ITGA8: variants seen among roughly 807,000 people sequenced by gnomAD.
ITGA8 encodes the protein integrin alpha-8.
ITGA8 carries 91 observed loss-of-function variants against 142.3 expected under a neutral mutation model. That is an observed-to-expected ratio of 0.64 (90% confidence interval 0.54 to 0.76). The LOEUF (loss-of-function observed/expected upper bound fraction) is 0.76. Among genes scored for constraint, ITGA8 ranks in the 30% least tolerant of loss-of-function variants. The pLI is 0.00. For synonymous variants in ITGA8, 505 were observed against 485.2 expected, an observed-to-expected ratio of 1.04 and a Z score of -0.54; for missense variants, 1,406 against 1,327.7, an observed-to-expected ratio of 1.06 and a Z score of -0.92.
intron 13 of ITGA8, among the ~76,000 whole-genome samples, chr10:15,631,539 A>G: frequency 6.6e-6 from 1 of 151,870 alleles, no homozygotes; most frequent in Admixed American, 6.6e-5. Context: ...ACACAGAGAC[A>G]GGAACATCAC....
intron 20 of ITGA8, among the ~76,000 whole-genome samples, chr10:15,598,347 GT>G (rs879592742): frequency 4.4e-4 from 67 of 151,816 alleles, no homozygotes; most frequent in Non-Finnish European, 7.9e-4. Flanking sequence ...TTTTTTATTT[GT>G]TTTTTTGTCC....
In ITGA8 at chr10:15,605,732, C is replaced by T. The variant is rs774254274; in HGVS notation, c.1962G>A (p.Ser654=). Residue 654 remains serine, a synonymous_variant, in exon 19 of 30, where the codon TCG becomes TCA. Coordinates refer to ENST00000378076, the MANE Select transcript of ITGA8 (RefSeq NM_003638.3). ...TAGTTATTTAAACTTACGGTCTAGC[C>T]GACAGCTTCAAGTCAGGAACACACA... The part of the protein sequence containing the change: ...DNLCVPDLKL[S]ARPDKHQVII... 1.4e-5 allele frequency: 22 copies of T among 1,612,700 alleles called. No homozygotes were observed. The highest frequency in any genetic ancestry group is 2.2e-5 in the East Asian group (1 of 44,866).
chr10:15,565,781 G>C (rs980846592), intron 25 of ITGA8, among the ~76,000 whole-genome samples: 3 of 151,380 alleles, frequency 2.0e-5, no homozygotes, highest in African/African-American at 7.3e-5. Context: ...GCAGAGATGG[G>C]GTTTTGCCAT....
intron 13 of ITGA8, among the ~76,000 whole-genome samples, chr10:15,630,520 C>G (rs1833665334): frequency 6.6e-6 from 1 of 151,918 alleles, no homozygotes; most frequent in Non-Finnish European, 1.5e-5. Flanking sequence ...TGTGTAATTT[C>G]CATCTGAGAT....
chr10:15,520,992 T>C (rs2131531523), intron 28 of ITGA8, among the ~76,000 whole-genome samples: 1 of 152,294 alleles, frequency 6.6e-6, no homozygotes. Context: ...CATGCTCACT[T>C]TGTTGCCTCT....
At chr10:15,662,087 A>C (rs2131673195) in intron 8 of ITGA8, among the ~76,000 whole-genome samples, 1 of 152,230 alleles carries the variant, frequency 6.6e-6, no homozygotes, top group Non-Finnish European at 1.5e-5. Flanking sequence ...TTAAAGTATC[A>C]GTCTCCCACC....
At chr10:15,601,084 C>T (rs746402875) in intron 20 of ITGA8, among the ~76,000 whole-genome samples, 9 of 152,090 alleles carry the variant, frequency 5.9e-5, no homozygotes, top group Non-Finnish European at 7.4e-5. Context: ...ACTAAAAATA[C>T]TAAAATTAGT....
chr10:15,571,658 C>T (rs747521140), intron 25 of ITGA8, among the ~76,000 whole-genome samples: 4 of 152,314 alleles, frequency 2.6e-5, no homozygotes, highest in South Asian at 2.1e-4. Context: ...TGCATTTTAA[C>T]AGACAGCCAG....
At chr10:15,677,506 G>T in intron 6 of ITGA8, 86 bp downstream of exon 6, 2 of 1,047,074 alleles carry the variant, frequency 1.9e-6, no homozygotes, top group South Asian at 1.5e-5. Context: ...TAAGGTAATA[G>T]AAAGTAAACA....
At chr10:15,532,943 T>C (rs987548850) in intron 27 of ITGA8, among the ~76,000 whole-genome samples, 3 of 152,214 alleles carry the variant, frequency 2.0e-5, no homozygotes, top group Admixed American at 2.0e-4. Context: ...GAGGAAACAC[T>C]ACATAATGGT....
intron 27 of ITGA8, among the ~76,000 whole-genome samples, chr10:15,535,858 T>C (rs1833422636): frequency 6.6e-6 from 1 of 152,162 alleles, no homozygotes; most frequent in Non-Finnish European, 1.5e-5. Flanking sequence ...CTGCTCCCTC[T>C]TTGGGTCCAC....
rs1299574322 is a variant in ITGA8, at chr10:15,514,923, T to C, written c.*2235A>G. ...GTCTCAGTCTTCCTCCTGGCATCTC[T>C]AGTTCCTTCCAGGTATCTGCATAAA... On this transcript the variant is annotated 3_prime_UTR_variant, in exon 30 of 30. Transcript: ENST00000378076. The C allele has an allele frequency of 3.3e-5, 5 of 152,318 alleles. No individual in the cohort carries two copies. The highest frequency in any genetic ancestry group is 1.2e-4 in the African/African-American group (5 of 41,470). The allele number at this position is 152,318 out of a possible 1,614,324, so 9.4% of individuals were successfully genotyped here. A position where few individuals can be genotyped will look rare whatever the true frequency, so the allele number is the denominator to read the frequency against.
intron 25 of ITGA8, among the ~76,000 whole-genome samples, chr10:15,567,142 A>C (rs148440074): frequency 0.014 from 2,117 of 149,582 alleles, 41 homozygotes; most frequent in African/African-American, 0.05. Flanking sequence ...CTGACAGAGT[A>C]AGACCCCATC....
At chr10:15,712,239 T>C (rs1835376310) in intron 2 of ITGA8, among the ~76,000 whole-genome samples, 1 of 152,102 alleles carries the variant, frequency 6.6e-6, no homozygotes, top group African/African-American at 2.4e-5. Flanking sequence ...TGAATGAGTG[T>C]TTTTTTAATA....
Position 15,672,706 on chromosome 10 carries a change from G to A in ITGA8, c.720C>T (p.Tyr240=). Residue 240 remains tyrosine, a synonymous_variant, in exon 7 of 30, where the codon TAC becomes TAT. Transcript: ENST00000378076. ...GTTTCCTGAGGATATCCTTGAATGA[G>A]TAATTTGCAATGATATCTGCAACAC... ...TASVADIIAN[Y]SFKDILRKLA... 6.2e-7 allele frequency: 1 copy of A among 1,613,534 alleles called. No individual in the cohort carries two copies.
At position 15,718,804 on chromosome 10, in the gene ITGA8, C is replaced by T. The variant is rs754999585; in HGVS notation, c.305G>A (p.Gly102Glu). 4 of 1,614,130 alleles carry T rather than the reference C, an allele frequency of 2.5e-6. No homozygotes were observed. The highest frequency in any genetic ancestry group is 3.4e-6 in the Non-Finnish European group (4 of 1,180,022). The change falls in exon 2 of 30, where the codon GGG becomes GAG. Residue 102 changes from glycine to glutamate, a missense_variant. By Grantham distance (98) the Gly-to-Glu change is moderately conservative (BLOSUM62 -2). Transcript: ENST00000378076. ...AVYYCPWPAE[G>E]SAQCRQIPFD... is the part of the protein sequence containing the mutation. ...CGGTATCTGCCTGCACTGCGCAGAC[C>T]CCTCCGCGGGCCAAGGACAGTAATA... is the stretch of plus-strand genomic sequence containing the variant.
intron 25 of ITGA8, among the ~76,000 whole-genome samples, chr10:15,563,218 C>T (rs928530316): frequency 6.6e-6 from 1 of 152,168 alleles, no homozygotes; most frequent in African/African-American, 2.4e-5. Context: ...AATTAAACCT[C>T]TTTTCTTTGT....
chr10:15,716,663 C>T (rs1342269709), intron 2 of ITGA8, among the ~76,000 whole-genome samples: 3 of 130,752 alleles, frequency 2.3e-5, no homozygotes, highest in Non-Finnish European at 4.6e-5. Context: ...AAAATATAAC[C>T]TATTGTATTT....
intron 8 of ITGA8, among the ~76,000 whole-genome samples, chr10:15,665,845 C>T (rs1834380724): frequency 6.6e-6 from 1 of 152,124 alleles, no homozygotes; most frequent in African/African-American, 2.4e-5. Context: ...GGCATTATTT[C>T]TGAGGGCTCT....
Sources: gnomAD v4.1 joint callset for allele counts (sites outside exome capture counted in the v4.1 genomes callset) on GRCh38, gnomAD v4.1.1 for gene constraint, MANE v1.5 for transcripts, NCBI Gene and HGNC (gene_info 2026-07-23, HGNC 2026-07-21) for gene names.